Variants in DYNC2I1 observed in about 807,000 individuals in gnomAD.
The protein encoded by DYNC2I1 is cytoplasmic dynein 2 intermediate chain 1.
In DYNC2I1, 89 loss-of-function variants were observed where a neutral mutation model predicts 133.4. That is an observed-to-expected ratio of 0.67 (90% CI 0.56 to 0.80). The LOEUF (loss-of-function observed/expected upper bound fraction) is 0.80. Ranked by LOEUF, DYNC2I1 falls within the 30% of genes least tolerant of loss-of-function variation. The pLI, the probability that DYNC2I1 is intolerant of heterozygous loss-of-function variation, is 0.00. For missense variants in DYNC2I1, 1,291 were observed against 1,314.5 expected, an observed-to-expected ratio of 0.98 and a Z score of 0.28; for synonymous variants, 504 against 484.3, an observed-to-expected ratio of 1.04 and a Z score of -0.54.
At chr7:158,934,380 T>C (rs369390409) in intron 22 of DYNC2I1, 38 bp from the exon 23 acceptor site, 6 of 1,594,858 alleles carry the variant, frequency 3.8e-6, no homozygotes, top group African/African-American at 2.7e-5. Flanking sequence ...TCGTGTGTAA[T>C]GCACTCGTTC....
intron 1 of DYNC2I1, among the ~76,000 whole-genome samples, chr7:158,858,895 T>C (rs1270910937): frequency 3.3e-5 from 1 of 30,108 alleles, no homozygotes. Context: ...TCCCCTCCCT[T>C]CTCCTCCTCT....
chr7:158,949,085 T>C (rs2657391), downstream of DYNC2I1, among the ~76,000 whole-genome samples: 105,300 of 151,690 alleles, frequency 0.69, 36,954 homozygotes, highest in Non-Finnish European at 0.75. Context: ...GAGAGAGCAG[T>C]TCCTCCAAGC....
chr7:158,957,650 G>A (rs928946733), downstream of DYNC2I1, among the ~76,000 whole-genome samples: 18 of 152,114 alleles, frequency 1.2e-4, no homozygotes, highest in Non-Finnish European at 2.2e-4. Context: ...GGAGCTCACC[G>A]GAGGCCACCT....
intron 1 of DYNC2I1, among the ~76,000 whole-genome samples, chr7:158,858,632 C>T (rs568151953): frequency 1.3e-5 from 2 of 152,266 alleles, no homozygotes; most frequent in East Asian, 1.9e-4. Flanking sequence ...TTAAATTCTT[C>T]CCAGAGCTCA....
intron 5 of DYNC2I1, among the ~76,000 whole-genome samples, 177 bp downstream of exon 5, chr7:158,880,166 C>T (rs1843854793): frequency 1.3e-5 from 2 of 152,206 alleles, no homozygotes; most frequent in Admixed American, 1.3e-4. Flanking sequence ...TTACTGATCT[C>T]CTAAGGAATG....
intron 3 of DYNC2I1, among the ~76,000 whole-genome samples, 178 bp downstream of exon 3, chr7:158,871,740 A>T (rs1487671241): frequency 6.6e-6 from 1 of 151,834 alleles, no homozygotes; most frequent in Non-Finnish European, 1.5e-5. Flanking sequence ...GTGCCATCAC[A>T]GCTCACGGCA....
the DYNC2I1 span, among the ~76,000 whole-genome samples, chr7:158,839,670 A>C: frequency 1.3e-5 from 2 of 152,186 alleles, no homozygotes; most frequent in African/African-American, 4.8e-5. Flanking sequence ...ATACAAAAAA[A>C]TTAGCAGGGC....
intron 15 of DYNC2I1, among the ~76,000 whole-genome samples, chr7:158,919,957 A>G (rs533795543): frequency 1.7e-4 from 26 of 152,150 alleles, no homozygotes; most frequent in Middle Eastern, 3.4e-3. Context: ...CCGTCGGAGA[A>G]CACGTGAAGT....
At chr7:158,890,053 G>A (rs200971650) in intron 7 of DYNC2I1, among the ~76,000 whole-genome samples, 2 of 146,398 alleles carry the variant, frequency 1.4e-5, no homozygotes, top group African/African-American at 5.0e-5. Context: ...TTGCTCTGTT[G>A]CCCAGGCTGG....
chr7:158,919,985 C>T (rs927482893), intron 15 of DYNC2I1, among the ~76,000 whole-genome samples: 3 of 151,738 alleles, frequency 2.0e-5, no homozygotes, highest in South Asian at 2.1e-4. Context: ...TGTACTGCAG[C>T]GCTGTGGCCT....
At chr7:158,851,042 T>A in the DYNC2I1 span, among the ~76,000 whole-genome samples, 1 of 151,750 alleles carries the variant, frequency 6.6e-6, no homozygotes, top group Admixed American at 6.6e-5. Context: ...GTCAAGGAAA[T>A]CTTTTTCTTT....
chr7:158,846,694 ATC>A, the DYNC2I1 span, among the ~76,000 whole-genome samples: 36 of 152,346 alleles, frequency 2.4e-4, no homozygotes, highest in Middle Eastern at 3.4e-3. Context: ...AAATTCTATA[ATC>A]TGTTTCTTTT....
chr7:158,875,074 C>T (rs984329970), intron 3 of DYNC2I1, among the ~76,000 whole-genome samples: 1 of 147,968 alleles, frequency 6.8e-6, no homozygotes, highest in African/African-American at 2.5e-5. Flanking sequence ...GAAGAGTGCT[C>T]AGTGCTTGGT....
intron 23 of DYNC2I1, among the ~76,000 whole-genome samples, chr7:158,936,021 G>A (rs111253781): frequency 6.3e-4 from 96 of 152,122 alleles, no homozygotes; most frequent in Middle Eastern, 3.4e-3. Context: ...GCAAAACTCC[G>A]TCTCTACTAA....
intron 23 of DYNC2I1, among the ~76,000 whole-genome samples, chr7:158,938,684 A>T (rs981937073): frequency 2.0e-5 from 3 of 152,206 alleles, no homozygotes; most frequent in Non-Finnish European, 2.9e-5. Flanking sequence ...TTAACATGGG[A>T]GGCAAAGGTT....
At chr7:158,923,949 T>G (rs562474958) in intron 17 of DYNC2I1, among the ~76,000 whole-genome samples, 8 of 152,370 alleles carry the variant, frequency 5.3e-5, no homozygotes, top group Admixed American at 3.9e-4. Context: ...TTTCCTTTCT[T>G]AATAAATTTG....
intron 10 of DYNC2I1, chr7:158,904,823 G>C (rs1046417469): frequency 1.5e-4 from 33 of 216,330 alleles, no homozygotes; most frequent in African/African-American, 6.8e-4. Context: ...CCCTGACCCA[G>C]ACAGGCATCC....
At chr7:158,855,939 CTTTT>C (rs71200072), upstream of DYNC2I1, among the ~76,000 whole-genome samples, 1 of 119,288 alleles carries the variant, frequency 8.4e-6, no homozygotes. Context: ...AAGCTCTTTT[CTTTT>C]TTTTTTTTTT....
intron 1 of DYNC2I1, among the ~76,000 whole-genome samples, chr7:158,862,332 G>A (rs1278858770): frequency 1.3e-5 from 2 of 151,908 alleles, no homozygotes; most frequent in African/African-American, 4.9e-5. Flanking sequence ...ACTTTGTCAA[G>A]TACTGGTTTA....
Sources: gnomAD v4.1 joint callset for allele counts (sites outside exome capture counted in the v4.1 genomes callset) on GRCh38, gnomAD v4.1.1 for gene constraint, MANE v1.5 for transcripts, NCBI Gene and HGNC (gene_info 2026-07-23, HGNC 2026-07-21) for gene names.